Variants in BPNT1 observed in about 807,000 individuals in gnomAD.
BPNT1 encodes the protein 3'(2'), 5'-bisphosphate nucleotidase 1, also known as 3'(2'),5'-bisphosphate nucleotidase 1.
A neutral mutation model predicts 36.9 loss-of-function variants in BPNT1; 28 were observed. That is an observed-to-expected ratio of 0.76 (90% CI 0.56 to 1.04). The LOEUF (loss-of-function observed/expected upper bound fraction) is 1.04, where lower values mean the gene tolerates loss of function less well. BPNT1 is among the 50% of genes least tolerant of loss of function. The pLI is 0.00. For missense variants in BPNT1, 313 were observed against 372.9 expected (o/e 0.84, Z 1.32); for synonymous variants, 119 against 130.9 (o/e 0.91, Z 0.62).
Position 220,067,908 on chromosome 1 carries a change from C to T in BPNT1, c.383-515G>A, listed in dbSNP as rs377101486. ...CAAAATCTGAGAGTGGGGGACAAGA[C>T]CTAAATAAGCTTTCTAGGTGCTTTT... On this transcript the variant is annotated intron_variant, in intron 5 of 8. Coordinates refer to ENST00000322067, the MANE Select transcript of BPNT1 (RefSeq NM_006085.6). Among the ~76,000 whole-genome samples the T allele has an allele frequency of 6.5e-4, 99 of 152,244 alleles. No homozygotes were observed. The South Asian group carries it at 8.9e-3, about 14-fold the overall frequency.
At chr1:220,069,272 C>A in intron 5 of BPNT1, 112 bp downstream of exon 5, 1 of 784,290 alleles carries the variant, frequency 1.3e-6, no homozygotes, top group Non-Finnish European at 2.0e-6. Context: ...TAGGGGTAAA[C>A]ATAACACATG....
chr1:220,079,933 CAT>C, intron 1 of BPNT1, 79 bp from the exon 2 acceptor site: 1 of 1,396,382 alleles, frequency 7.2e-7, no homozygotes, highest in South Asian at 1.4e-5. Flanking sequence ...CAACTCAACA[CAT>C]ATTAATTGAG....
chr1:220,065,566 T>A (rs1663461388), intron 6 of BPNT1, among the ~76,000 whole-genome samples: 1 of 152,208 alleles, frequency 6.6e-6, no homozygotes, highest in Non-Finnish European at 1.5e-5. Flanking sequence ...TATAAAGTAA[T>A]ACAGTAGCAA....
intron 1 of BPNT1, 115 bp downstream of exon 1, chr1:220,089,571 A>C (rs908757627): frequency 1.3e-5 from 2 of 152,278 alleles, no homozygotes; most frequent in African/African-American, 4.8e-5. Flanking sequence ...GTCGGAAGTT[A>C]GAATATCTGG....
intron 4 of BPNT1, among the ~76,000 whole-genome samples, chr1:220,069,862 G>A (rs928851223): frequency 7.2e-5 from 11 of 151,994 alleles, no homozygotes; most frequent in Admixed American, 5.3e-4. Flanking sequence ...CTTGAACTCA[G>A]GAGGCGGAGG....
chr1:220,074,559 G>A (rs1021213875), intron 2 of BPNT1, among the ~76,000 whole-genome samples: 35 of 151,626 alleles, frequency 2.3e-4, no homozygotes, highest in African/African-American at 6.8e-4. Flanking sequence ...ACGGTGGCAC[G>A]ATCTTAGCTC....
chr1:220,070,535 T>C (rs986402378), intron 4 of BPNT1, among the ~76,000 whole-genome samples: 3 of 151,616 alleles, frequency 2.0e-5, no homozygotes, highest in Non-Finnish European at 4.4e-5. Context: ...TTAGTAGAGA[T>C]AGGGTTTCAC....
At chr1:220,075,240 C>T (rs988735750) in intron 2 of BPNT1, among the ~76,000 whole-genome samples, 2 of 152,136 alleles carry the variant, frequency 1.3e-5, no homozygotes, top group African/African-American at 4.8e-5. Flanking sequence ...GATGGGGTTT[C>T]ACCATATTGG....
At chr1:220,069,052 T>C (rs1440894127) in intron 5 of BPNT1, among the ~76,000 whole-genome samples, 2 of 152,086 alleles carry the variant, frequency 1.3e-5, no homozygotes, top group South Asian at 2.1e-4. Flanking sequence ...AGCTACACAG[T>C]TGTACTCGTT....
intron 5 of BPNT1, 55 bp downstream of exon 5, chr1:220,069,329 A>G: frequency 7.5e-7 from 1 of 1,331,652 alleles, no homozygotes; most frequent in Non-Finnish European, 1.0e-6. Flanking sequence ...ATTTACAACT[A>G]ACATCATATC....
intron 3 of BPNT1, among the ~76,000 whole-genome samples, chr1:220,073,315 G>C (rs1664245496): frequency 6.6e-6 from 1 of 151,122 alleles, no homozygotes; most frequent in South Asian, 2.1e-4. Context: ...TTGAGACGGA[G>C]TCTTGCTCTG....
intron 1 of BPNT1, among the ~76,000 whole-genome samples, chr1:220,088,868 G>A (rs771370251): frequency 1.3e-5 from 2 of 151,506 alleles, no homozygotes; most frequent in African/African-American, 2.4e-5. Flanking sequence ...GGGAGGCCGA[G>A]ACGGGCAGAT....
At chr1:220,082,561 T>G (rs986163775) in intron 1 of BPNT1, among the ~76,000 whole-genome samples, 10 of 151,832 alleles carry the variant, frequency 6.6e-5, no homozygotes, top group African/African-American at 2.2e-4. Flanking sequence ...AATATTTGAT[T>G]TGATGTTTTA....
At chr1:220,083,678 T>C (rs553905847) in intron 1 of BPNT1, among the ~76,000 whole-genome samples, 5 of 152,144 alleles carry the variant, frequency 3.3e-5, no homozygotes, top group Non-Finnish European at 7.3e-5. Context: ...CGGTCCACTT[T>C]GTGGATTTTT....
intron 7 of BPNT1, among the ~76,000 whole-genome samples, chr1:220,060,535 A>G (rs1295959038): frequency 6.6e-6 from 1 of 152,230 alleles, no homozygotes; most frequent in African/African-American, 2.4e-5. Flanking sequence ...TAAAGGACAG[A>G]GAAGTATCAA....
intron 1 of BPNT1, among the ~76,000 whole-genome samples, chr1:220,085,284 C>A (rs932111717): frequency 3.9e-5 from 6 of 152,184 alleles, no homozygotes; most frequent in African/African-American, 9.7e-5. Flanking sequence ...GTACTTCTTT[C>A]TCTACCAGTT....
chr1:220,068,784 TG>T (rs1259029045), intron 5 of BPNT1, among the ~76,000 whole-genome samples: 1 of 152,202 alleles, frequency 6.6e-6, no homozygotes, highest in Non-Finnish European at 1.5e-5. Flanking sequence ...CACTCTAGCC[TG>T]GGCAATGAGC....
chr1:220,089,042 A>C (rs1207413911), intron 1 of BPNT1, among the ~76,000 whole-genome samples: 2 of 135,334 alleles, frequency 1.5e-5, no homozygotes, highest in African/African-American at 5.5e-5. Flanking sequence ...TGGAGCTTGC[A>C]GTGAGCCGAG....
At chr1:220,088,823 G>A (rs1656013812) in intron 1 of BPNT1, among the ~76,000 whole-genome samples, 1 of 151,178 alleles carries the variant, frequency 6.6e-6, no homozygotes, top group African/African-American at 2.4e-5. Flanking sequence ...AGAAAGGCTG[G>A]GCGCGGTGGC....
Sources: allele counts gnomAD v4.1 joint callset (sites outside exome capture counted in the v4.1 genomes callset), GRCh38; gene constraint gnomAD v4.1.1; transcripts MANE v1.5; gene names NCBI Gene and HGNC (gene_info 2026-07-23, HGNC 2026-07-21).